The following EPHA2 variants were observed in gnomAD, a reference collection of about 807,000 sequenced individuals.
EPHA2 encodes ephrin type-A receptor 2.
Under a neutral mutation model 104.9 loss-of-function variants are expected in EPHA2, and 54 were observed. The observed-to-expected ratio is 0.51, with a 90% CI of 0.41 to 0.65. The LOEUF (loss-of-function observed/expected upper bound fraction) is 0.65, where lower values mean the gene tolerates loss of function less well. EPHA2 is among the 30% of genes least tolerant of loss of function. The pLI is 0.00. For missense variants in EPHA2, 1,117 were observed against 1,369.5 expected, an observed-to-expected ratio of 0.82 and a Z score of 2.91; for synonymous variants, 560 against 559.1, an observed-to-expected ratio of 1.00 and a Z score of -0.02.
rs188944275 is a variant in EPHA2, at chr1:16,130,094, A to T, written c.2669+132T>A. Reference sequence around the variant, plus strand: ...GGGCCATCGTGTCCAGTCTAAGTCAAGTCCACACATAACCTCTTAGCCCCC... The same window carrying T: ...GGGCCATCGTGTCCAGTCTAAGTCATGTCCACACATAACCTCTTAGCCCCC... On this transcript the variant is annotated intron_variant, in intron 15 of 16. Coordinates refer to ENST00000358432, the MANE Select transcript of EPHA2 (RefSeq NM_004431.5). The surrounding 1 kb of genome is among the most constrained non-coding windows in gnomAD (Gnocchi z 4.5). 8 of 1,238,970 alleles carry T rather than the reference A, an allele frequency of 6.5e-6. No individual in the cohort carries two copies. The highest frequency in any genetic ancestry group is 2.0e-5 in the Admixed American group (1 of 48,872). 76.7% of individuals were successfully genotyped at this position (1,238,970 alleles called of 1,614,324 possible). A position where few individuals can be genotyped will look rare whatever the true frequency, so the allele number is the denominator to read the frequency against.
chr1:16,152,867 G>A (rs1569616809), intron 1 of EPHA2, among the ~76,000 whole-genome samples: 1 of 152,176 alleles, frequency 6.6e-6, no homozygotes, highest in African/African-American at 2.4e-5. Flanking sequence ...CCCCCTGCAG[G>A]GGTTTCCAAC....
intron 3 of EPHA2, among the ~76,000 whole-genome samples, chr1:16,143,747 C>T (rs2024871327): frequency 1.3e-5 from 2 of 152,286 alleles, no homozygotes; most frequent in South Asian, 2.1e-4. Flanking sequence ...AAGCCAGGCC[C>T]AGCAGGTGAC....
intron 3 of EPHA2, among the ~76,000 whole-genome samples, chr1:16,143,014 T>TGGATGGAC (rs1289914388): frequency 1.4e-5 from 1 of 69,038 alleles, no homozygotes; most frequent in African/African-American, 5.8e-5. Flanking sequence ...GATGGATGGA[T>TGGATGGAC]GGGTGGATAG....
intron 3 of EPHA2, among the ~76,000 whole-genome samples, chr1:16,146,126 G>A (rs138509422): frequency 6.1e-4 from 93 of 152,266 alleles, no homozygotes; most frequent in African/African-American, 8.2e-4. Flanking sequence ...CTGGCATCTC[G>A]CGCACCGGCA....
intron 3 of EPHA2, among the ~76,000 whole-genome samples, chr1:16,140,853 G>A (rs112611282): frequency 0.06 from 9,151 of 152,060 alleles, 898 homozygotes; most frequent in African/African-American, 0.21. Context: ...CACCCGTCTC[G>A]GCCTCCCAAA....
At chr1:16,137,297 TAA>T (rs113394862) in intron 5 of EPHA2, among the ~76,000 whole-genome samples, 2 of 140,280 alleles carry the variant, frequency 1.4e-5, no homozygotes. Context: ...GGTGATGAGC[TAA>T]AAAAAAAAAA....
At chr1:16,145,821 G>T (rs914923154) in intron 3 of EPHA2, among the ~76,000 whole-genome samples, 2 of 152,302 alleles carry the variant, frequency 1.3e-5, no homozygotes, top group Admixed American at 1.3e-4. Flanking sequence ...CCGCTGCACC[G>T]CCTGGATTCA....
chr1:16,155,837 C>A lies in EPHA2; in HGVS notation c.85+11G>T. The A allele has an allele frequency of 7.0e-7, 1 of 1,428,224 alleles. No homozygotes were observed. Among genetic ancestry groups the A allele is most frequent in the Non-Finnish European group, 9.1e-7 (1 of 1,094,952 alleles). 88.5% of individuals were successfully genotyped at this position (1,428,224 alleles called of 1,614,324 possible). On this transcript the variant is annotated intron_variant, in intron 1 of 16. Transcript: ENST00000358432. ...CCGGGGGCCAGGGGTCCAGACGCCG[C>A]GCGCACTCACCTTCCTTGCCCTGCG...
At chr1:16,137,597 C>CA (rs979527955) in intron 5 of EPHA2, among the ~76,000 whole-genome samples, 2 of 151,434 alleles carry the variant, frequency 1.3e-5, no homozygotes, top group African/African-American at 2.4e-5. Context: ...GACTCTGTCT[C>CA]AAAAAAAAGG....
At chr1:16,129,690 G>A (rs922715663) in intron 15 of EPHA2, 101 bp from the exon 16 acceptor site, 17 of 1,437,006 alleles carry the variant, frequency 1.2e-5, no homozygotes, top group African/African-American at 5.6e-5. Flanking sequence ...CGGCTGCCCC[G>A]TGCCTCCGTC....
Position 16,135,210 on chromosome 1 carries a change from G to T in EPHA2, c.1429-21C>A. 5 of 1,613,048 alleles carry T rather than the reference G, an allele frequency of 3.1e-6. No homozygotes were observed. Among genetic ancestry groups the T allele is most frequent in the Non-Finnish European group, 4.2e-6 (5 of 1,179,860 alleles). ...TCTCCCTGTGGGTGGGTGGCCGGCG[G>T]AGGAGCAGGCAGTGAGGGCAGGGCA... On this transcript the variant is annotated intron_variant, in intron 6 of 16. Coordinates refer to ENST00000358432, the MANE Select transcript of EPHA2 (RefSeq NM_004431.5). The surrounding 1 kb of genome is among the most constrained non-coding windows in gnomAD (Gnocchi z 4.3).
At position 16,148,234 on chromosome 1, in the gene EPHA2, TG is replaced by T; in HGVS notation, c.823+143del. 1 of 1,063,438 alleles carries T rather than the reference TG, an allele frequency of 9.4e-7. No homozygotes were observed. Among genetic ancestry groups the T allele is most frequent in the Non-Finnish European group, 1.4e-6 (1 of 708,890 alleles). The allele number at this position is 1,063,438 out of a possible 1,614,324, so 65.9% of individuals were successfully genotyped here. A position where few individuals can be genotyped will look rare whatever the true frequency, so the allele number is the denominator to read the frequency against. On this transcript the variant is annotated intron_variant, in intron 3 of 16. Coordinates refer to ENST00000358432, the MANE Select transcript of EPHA2 (RefSeq NM_004431.5). The surrounding 1 kb of genome is among the most constrained non-coding windows in gnomAD (Gnocchi z 4.9). ...CAGCCTTAATAAGGAAACTGATGTC[TG>T]GGAAGGATCTATAATTTCCACTAAC... is the stretch of plus-strand genomic sequence containing the variant.
At chr1:16,138,473 A>G in intron 3 of EPHA2, 43 bp from the exon 4 acceptor site, 3 of 1,612,314 alleles carry the variant, frequency 1.9e-6, no homozygotes, top group Non-Finnish European at 2.5e-6. Context: ...CATCAGTTCA[A>G]TCTGCTTCCA....
intron 16 of EPHA2, among the ~76,000 whole-genome samples, chr1:16,127,770 A>G (rs1161151999): frequency 1.3e-5 from 2 of 152,184 alleles, no homozygotes; most frequent in Non-Finnish European, 2.9e-5. Context: ...GGGGCGCCGA[A>G]TGACTTCCTG....
Position 16,147,096 on chromosome 1 carries a change from A to G in EPHA2, c.823+1282T>C, listed in dbSNP as rs6688008. On this transcript the variant is annotated intron_variant, in intron 3 of 16. Coordinates refer to ENST00000358432, the MANE Select transcript of EPHA2 (RefSeq NM_004431.5). ...TGGCCATTTCCAGAAAAAGTCACCCATTGAAAATCCACATTGCTGTGGAGA... is the reference window on the plus strand; with the variant it reads ...TGGCCATTTCCAGAAAAAGTCACCCGTTGAAAATCCACATTGCTGTGGAGA... 7.1e-3 allele frequency among the ~76,000 whole-genome samples: 1,081 copies of G among 152,348 alleles called. 11 individuals carry two copies. The highest frequency in any genetic ancestry group is 0.025 in the African/African-American group (1,042 of 41,576).
intron 3 of EPHA2, among the ~76,000 whole-genome samples, chr1:16,143,035 G>A: frequency 6.8e-6 from 1 of 147,874 alleles, no homozygotes; most frequent in African/African-American, 2.5e-5. Context: ...GTGGGTGGTT[G>A]GGTGGAGGGG....
In EPHA2 at chr1:16,134,933, A is replaced by G; in HGVS notation, c.1582+103T>C. ...TGTCCCAGGCCGCCGGTGACCGAGA[A>G]AGGGGCATTTCTAAGTTATTTGATT... On this transcript the variant is annotated intron_variant, in intron 7 of 16. Coordinates refer to ENST00000358432, the MANE Select transcript of EPHA2 (RefSeq NM_004431.5). The surrounding 1 kb of genome is among the most constrained non-coding windows in gnomAD (Gnocchi z 4.5). 1 of 1,553,766 alleles carries G rather than the reference A, an allele frequency of 6.4e-7. No individual in the cohort carries two copies. Among genetic ancestry groups the G allele is most frequent in the South Asian group, 1.2e-5 (1 of 86,678 alleles).
At chr1:16,155,787 G>T in intron 1 of EPHA2, 61 bp downstream of exon 1, 2 of 1,264,002 alleles carry the variant, frequency 1.6e-6, no homozygotes, top group Non-Finnish European at 2.0e-6. Context: ...GTCAAGGAGC[G>T]CCGGGCTCTA....
intron 1 of EPHA2, chr1:16,153,347 G>A: frequency 1.0e-6 from 1 of 984,774 alleles, no homozygotes; most frequent in Non-Finnish European, 1.2e-6. Flanking sequence ...AAAGGAAGCA[G>A]GGAGGTGGGG....
Sources: gnomAD v4.1 joint callset for allele counts (sites outside exome capture counted in the v4.1 genomes callset) on GRCh38, gnomAD v4.1.1 for gene constraint, Gnocchi (gnomAD v3.1) non-coding constraint, MANE v1.5 for transcripts, NCBI Gene and HGNC (gene_info 2026-07-23, HGNC 2026-07-21) for gene names.